Variants in KANK1 observed in about 807,000 individuals in gnomAD.
KANK1 encodes KN motif and ankyrin repeat domain-containing protein 1.
In KANK1, 109 loss-of-function variants were observed where a neutral mutation model predicts 106.2. The observed-to-expected ratio is 1.03, with a 90% CI of 0.88 to 1.20. The LOEUF (loss-of-function observed/expected upper bound fraction) is 1.20, where lower values mean the gene tolerates loss of function less well. Among genes scored for constraint, KANK1 ranks in the 50% most tolerant of loss-of-function variants. KANK1 has a pLI of 0.00. For missense variants in KANK1, 2,399 were observed against 1,710.7 expected (o/e 1.40, Z -7.10); for synonymous variants, 873 against 652.2 (o/e 1.34, Z -5.16).
chr9:613,582 C>T (rs181127388), intron 1 of KANK1, among the ~76,000 whole-genome samples: 19 of 152,154 alleles, frequency 1.2e-4, no homozygotes, highest in Admixed American at 1.2e-3. Flanking sequence ...TATGGAAAAT[C>T]GAATTTGTTT....
chr9:558,837 A>G (rs1188795434), intron 1 of KANK1: 2 of 152,180 alleles, frequency 1.3e-5, no homozygotes, highest in African/African-American at 4.8e-5. Context: ...TACTTGCTTC[A>G]GTGGCACATA....
chr9:741,137 G>A lies in KANK1; in HGVS notation c.3696+203G>A, dbSNP rs1835375008. On this transcript the variant is annotated intron_variant, in intron 9 of 11. Transcript: ENST00000382297. ...AAATATGGGCTTAAATTTCACACTG[G>A]AAACTTCTCCCTCCTTTGCCTTGCC... 2.0e-5 allele frequency among the ~76,000 whole-genome samples: 3 copies of A among 152,192 alleles called. No individual in the cohort carries two copies. In the South Asian group the frequency reaches 6.2e-4, roughly 32 times the overall value.
At chr9:699,806 C>T (rs10119922) in intron 2 of KANK1, among the ~76,000 whole-genome samples, 27,338 of 152,038 alleles carry the variant, frequency 0.18, 2,677 homozygotes, top group Middle Eastern at 0.23. Flanking sequence ...CATAGTGGGA[C>T]CCCCATCTCT....
chr9:743,140 G>A (rs915897653), intron 10 of KANK1, among the ~76,000 whole-genome samples: 2 of 152,232 alleles, frequency 1.3e-5, no homozygotes, highest in East Asian at 1.9e-4. Flanking sequence ...CACAGAGGTC[G>A]GGTTGGCTTG....
chr9:634,120 A>T (rs1836482222), intron 1 of KANK1, among the ~76,000 whole-genome samples: 1 of 152,228 alleles, frequency 6.6e-6, no homozygotes, highest in Admixed American at 6.5e-5. Flanking sequence ...ATATTGCAGT[A>T]AAGAAAGAGT....
chr9:552,535 A>C (rs1327738701), intron 1 of KANK1, among the ~76,000 whole-genome samples: 12 of 152,198 alleles, frequency 7.9e-5, no homozygotes. Flanking sequence ...AATATGTTTT[A>C]ATATGACGTT....
intron 1 of KANK1, among the ~76,000 whole-genome samples, chr9:576,031 A>G (rs577983966): frequency 1.3e-5 from 2 of 152,326 alleles, no homozygotes; most frequent in South Asian, 4.2e-4. Flanking sequence ...TCAAAACAAA[A>G]AACAATAAGT....
At chr9:535,932 C>A (rs556637754) in intron 1 of KANK1, among the ~76,000 whole-genome samples, 1 of 152,324 alleles carries the variant, frequency 6.6e-6, no homozygotes, top group Non-Finnish European at 1.5e-5. Flanking sequence ...CTACCCAATT[C>A]CAAAACCACT....
intron 1 of KANK1, chr9:539,578 A>T (rs1041635605): frequency 6.6e-6 from 1 of 151,386 alleles, no homozygotes; most frequent in Non-Finnish European, 1.5e-5. Flanking sequence ...GCAGCATTGA[A>T]CTCCTGGGCT....
chr9:620,279 C>G (rs185577677), intron 1 of KANK1, among the ~76,000 whole-genome samples: 3 of 152,272 alleles, frequency 2.0e-5, no homozygotes, highest in Admixed American at 6.5e-5. Context: ...CCATTCCTTT[C>G]CCACCCTGTC....
intron 1 of KANK1, among the ~76,000 whole-genome samples, chr9:656,841 G>A (rs575858633): frequency 1.1e-4 from 17 of 152,280 alleles, no homozygotes; most frequent in Admixed American, 2.6e-4. Context: ...GACCTTTAGT[G>A]TGACTGGAGC....
chr9:537,248 G>GT (rs2060349102), intron 1 of KANK1, among the ~76,000 whole-genome samples: 1 of 152,134 alleles, frequency 6.6e-6, no homozygotes, highest in African/African-American at 2.4e-5. Flanking sequence ...GGACCCCTCT[G>GT]TGACATTTGG....
intron 3 of KANK1, among the ~76,000 whole-genome samples, chr9:474,982 A>G (rs2058079467): frequency 6.6e-6 from 1 of 152,164 alleles, no homozygotes; most frequent in Non-Finnish European, 1.5e-5. Flanking sequence ...CTGACCAGGA[A>G]TGTCAGGTGA....
chr9:501,198 C>T (rs2132468993), upstream of KANK1, among the ~76,000 whole-genome samples: 1 of 152,226 alleles, frequency 6.6e-6, no homozygotes, highest in South Asian at 2.1e-4. Flanking sequence ...GTTCATCCAC[C>T]ACAAAACAGT....
chr9:501,640 A>C (rs558709099), upstream of KANK1, among the ~76,000 whole-genome samples: 133 of 150,244 alleles, frequency 8.9e-4, no homozygotes, highest in Middle Eastern at 3.4e-3. Context: ...ACACACACAC[A>C]CCCCAATTGC....
At chr9:719,110 C>G (rs545223224) in intron 3 of KANK1, among the ~76,000 whole-genome samples, 55 of 152,072 alleles carry the variant, frequency 3.6e-4, no homozygotes, top group Non-Finnish European at 6.8e-4. Context: ...CAGGCACACG[C>G]CACCAGGCCC....
upstream of KANK1, among the ~76,000 whole-genome samples, chr9:502,249 G>C (rs911007109): frequency 1.3e-4 from 20 of 152,144 alleles, no homozygotes; most frequent in African/African-American, 4.6e-4. Flanking sequence ...TCAATGTCTG[G>C]AATTAGTGGT....
At chr9:713,860 T>C (rs758554504) in intron 3 of KANK1, among the ~76,000 whole-genome samples, 1 of 152,214 alleles carries the variant, frequency 6.6e-6, no homozygotes, top group African/African-American at 2.4e-5. Context: ...ATATTAGCAA[T>C]TGAAATACTG....
At chr9:674,137 G>A (rs554222810) in intron 1 of KANK1, 11 of 152,240 alleles carry the variant, frequency 7.2e-5, no homozygotes, top group Admixed American at 5.2e-4. Flanking sequence ...TGCACACAGA[G>A]GTTATTGCTC....
Sources: allele counts gnomAD v4.1 joint callset (sites outside exome capture counted in the v4.1 genomes callset), GRCh38; gene constraint gnomAD v4.1.1; transcripts MANE v1.5; gene names NCBI Gene and HGNC (gene_info 2026-07-23, HGNC 2026-07-21).